Variants in SLC26A9 observed in about 807,000 individuals in gnomAD.
SLC26A9 encodes the protein solute carrier family 26 member 9.
SLC26A9 carries 46 observed loss-of-function variants against 87.1 expected under a neutral mutation model. The ratio of observed to expected loss-of-function variants is 0.53; its 90% CI spans 0.42 to 0.67. SLC26A9 has a LOEUF of 0.67. Among genes scored for constraint, SLC26A9 ranks in the 30% least tolerant of loss-of-function variants. SLC26A9 has a pLI of 0.00. For missense variants in SLC26A9, 927 were observed against 1,018.3 expected (o/e 0.91, Z 1.22); for synonymous variants, 437 against 409.1 (o/e 1.07, Z -0.82).
Position 205,913,167 on chromosome 1 carries a change from T to C in SLC26A9, c.*2190A>G, listed in dbSNP as rs1658441575. ...GGTTCCCAGTCCTCCCTGGGAATTA[T>C]ATTATCACAGGTCAGTATCACTAAG... On this transcript the variant is annotated 3_prime_UTR_variant, in exon 21 of 21. Transcript: ENST00000367135. 6.6e-6 allele frequency: 1 copy of C among 152,266 alleles called. No homozygotes were observed. Among genetic ancestry groups the C allele is most frequent in the South Asian group, 2.1e-4 (1 of 4,834 alleles). 9.4% of individuals were successfully genotyped at this position (152,266 alleles called of 1,614,324 possible).
chr1:205,926,176 G>C (rs1408381674), intron 12 of SLC26A9, among the ~76,000 whole-genome samples: 2 of 152,094 alleles, frequency 1.3e-5, no homozygotes, highest in Non-Finnish European at 2.9e-5. Flanking sequence ...AGTAGTCATA[G>C]CTAAGCTTTA....
chr1:205,924,063 T>C (rs1054659851), intron 13 of SLC26A9, among the ~76,000 whole-genome samples: 1 of 152,180 alleles, frequency 6.6e-6, no homozygotes, highest in Non-Finnish European at 1.5e-5. Flanking sequence ...GGTTTGGGGT[T>C]CTGGCAATGT....
chr1:205,923,574 G>A lies in SLC26A9; in HGVS notation c.1536C>T (p.Asp512=), dbSNP rs1421618498. The A allele has an allele frequency of 3.1e-6, 5 of 1,614,090 alleles. No homozygotes were observed. The highest frequency in any genetic ancestry group is 3.4e-6 in the Non-Finnish European group (4 of 1,180,046). ...TATAGGTCTTGGGATTCACATAAATGTCAGTGTCCATGACCTGGGCCAGTG... is the reference window on the plus strand; with the variant it reads ...TATAGGTCTTGGGATTCACATAAATATCAGTGTCCATGACCTGGGCCAGTG... ...GYALAQVMDT[D]IYVNPKTYNR... The change falls in exon 14 of 21, where the codon GAC becomes GAT. Residue 512 remains aspartate (D), a synonymous_variant. Transcript: ENST00000367135.
intron 19 of SLC26A9, among the ~76,000 whole-genome samples, chr1:205,918,186 C>A (rs188918019): frequency 6.6e-6 from 1 of 152,158 alleles, no homozygotes; most frequent in South Asian, 2.1e-4. Flanking sequence ...AGGCCAAGGG[C>A]AGGAGCTGAG....
rs764928984 is a variant in SLC26A9 at position 205,935,781 on chromosome 1, C to T, written c.40G>A (p.Ala14Thr). The change falls in exon 2 of 21, where the codon GCA becomes ACA. Residue 14 changes from alanine (A) to threonine (T), a missense_variant. Physicochemically the swap from Ala to Thr is moderately conservative, Grantham distance 58. Transcript: ENST00000367135. ...PRPRYVVDRA[A>T]YSLTLFDDEF... Reference sequence around the variant, plus strand: ...TCGTCGAAGAGGGTAAGGGAGTATGCGGCTCTGTCTACCACGTAGCGGGGC... The same window carrying T: ...TCGTCGAAGAGGGTAAGGGAGTATGTGGCTCTGTCTACCACGTAGCGGGGC... The T allele has an allele frequency of 1.2e-5, 19 of 1,613,772 alleles. No individual in the cohort carries two copies. Among genetic ancestry groups the T allele is most frequent in the South Asian group, 5.5e-5 (5 of 91,058 alleles).
intron 17 of SLC26A9, among the ~76,000 whole-genome samples, chr1:205,920,649 G>A (rs1169293802): frequency 1.3e-5 from 2 of 152,122 alleles, no homozygotes; most frequent in South Asian, 2.1e-4. Flanking sequence ...ACAGGGGCCC[G>A]TCACCACACC....
chr1:205,929,227 G>A lies in SLC26A9; in HGVS notation c.847C>T (p.Pro283Ser), dbSNP rs535714348. Reference protein sequence around the residue: ...NARYMHKIRFPIPTEMIVVVV... With the variant: ...NARYMHKIRFSIPTEMIVVVV... ...ACCACAATCATCTCTGTAGGGATGGGGAAGCGAATCTTGTGCATGTAGCGA... is the reference window on the plus strand; with the variant it reads ...ACCACAATCATCTCTGTAGGGATGGAGAAGCGAATCTTGTGCATGTAGCGA... Residue 283 changes from proline (P) to serine (S), a missense_variant, in exon 7 of 21, where the codon CCC (proline) becomes TCC (serine). Coordinates refer to ENST00000367135, the MANE Select transcript of SLC26A9 (RefSeq NM_052934.4). The A allele has an allele frequency of 1.2e-6, 2 of 1,614,178 alleles. No individual in the cohort carries two copies. Among genetic ancestry groups the A allele is most frequent in the Admixed American group, 3.3e-5 (2 of 60,016 alleles).
chr1:205,932,400 T>C (rs959909828), intron 4 of SLC26A9, among the ~76,000 whole-genome samples: 6 of 152,238 alleles, frequency 3.9e-5, no homozygotes, highest in African/African-American at 1.4e-4. Flanking sequence ...GGGAGTTAGA[T>C]GGTGATTTCT....
chr1:205,925,166 A>G, intron 12 of SLC26A9, among the ~76,000 whole-genome samples: 1 of 152,210 alleles, frequency 6.6e-6, no homozygotes, highest in South Asian at 2.1e-4. Context: ...AGGATTCAAA[A>G]GTTAAGGAAT....
At chr1:205,931,465 G>GTTTTTTTTTTT (rs34820138) in intron 5 of SLC26A9, among the ~76,000 whole-genome samples, 1,025 of 95,768 alleles carry the variant, frequency 0.011, 119 homozygotes, top group East Asian at 0.042. Context: ...CCCTAACTTG[G>GTTTTTTTTTTT]TTTTTTTTTT....
At position 205,914,857 on chromosome 1, in the gene SLC26A9, G is replaced by A. The variant is rs867753037; in HGVS notation, c.*500C>T. The A allele has an allele frequency of 1.9e-6, 3 of 1,577,218 alleles. No individual in the cohort carries two copies. The highest frequency in any genetic ancestry group is 1.7e-4 in the Middle Eastern group (1 of 5,884). ...GCCAGAGACAGAGTTGAGGCAGCTG[G>A]GGAAGGCAAGCCAGAGTCCTAACCA... On this transcript the variant is annotated 3_prime_UTR_variant, in exon 21 of 21. Coordinates refer to ENST00000367135, the MANE Select transcript of SLC26A9 (RefSeq NM_052934.4).
intron 20 of SLC26A9, 143 bp from the exon 21 acceptor site, chr1:205,915,547 TGC>T (rs1553268037): frequency 1.3e-4 from 121 of 923,204 alleles, no homozygotes; most frequent in African/African-American, 1.3e-3. Context: ...TGTGTGTGTG[TGC>T]GAGAGTGTGT....
At chr1:205,917,540 T>C (rs1658644989) in intron 19 of SLC26A9, among the ~76,000 whole-genome samples, 186 bp from the exon 20 acceptor site, 1 of 152,174 alleles carries the variant, frequency 6.6e-6, no homozygotes, top group Admixed American at 6.5e-5. Context: ...TTCCCCCTTA[T>C]ACCAGACAGG....
At position 205,918,953 on chromosome 1, in the gene SLC26A9, C is replaced by T. The variant is rs778860166; in HGVS notation, c.2143G>A (p.Val715Ile). ...CATTCTAGACTCCCATCCTCAAAGA[C>T]GCCTCCATGGCTAATGTCATTGTAC... is the stretch of plus-strand genomic sequence containing the variant. ...QVYNDISHGG[V>I]FEDGSLECKH... Residue 715 changes from valine to isoleucine, a missense_variant, in exon 19 of 21, where the codon GTC becomes ATC. Physicochemically the swap from Val to Ile is conservative, Grantham distance 29 (BLOSUM62 3). Coordinates refer to ENST00000367135, the MANE Select transcript of SLC26A9 (RefSeq NM_052934.4). The T allele has an allele frequency of 4.8e-5, 77 of 1,614,056 alleles. 1 individual carries two copies. In the East Asian group the frequency reaches 9.6e-4, roughly 20 times the overall value.
rs1658912612 is a variant in SLC26A9 at position 205,923,160 on chromosome 1, C to T, written c.1695G>A (p.Lys565=). The part of the protein sequence containing the change: ...GMDPQKVLLA[K]QKYLKKQEKR... Reference sequence around the variant, plus strand: ...TCTCCTGCTTCTTGAGGTATTTTTGCTTGGCTAGTAATACTTTCTGGGGGT... The same window carrying T: ...TCTCCTGCTTCTTGAGGTATTTTTGTTTGGCTAGTAATACTTTCTGGGGGT... The change falls in exon 16 of 21, where the codon AAG becomes AAA. Residue 565 remains lysine (K), a synonymous_variant. Coordinates refer to ENST00000367135, the MANE Select transcript of SLC26A9 (RefSeq NM_052934.4). 1 of 1,614,160 alleles carries T rather than the reference C, an allele frequency of 6.2e-7. No individual in the cohort carries two copies. Among genetic ancestry groups the T allele is most frequent in the Non-Finnish European group, 8.5e-7 (1 of 1,180,030 alleles).
chr1:205,942,825 C>T lies in SLC26A9; in HGVS notation c.-19+540G>A, dbSNP rs547486321. 4.6e-5 allele frequency among the ~76,000 whole-genome samples: 7 copies of T among 152,326 alleles called. No homozygotes were observed. The East Asian group carries it at 1.4e-3, about 29-fold the overall frequency. ...CTCCACCTCTTCCAACTTCTCAGGA[C>T]TAATGGGGACACATGGGATTCTGTG... On this transcript the variant is annotated intron_variant, in intron 1 of 20. Transcript: ENST00000367135.
Position 205,932,704 on chromosome 1 carries a change from G to A in SLC26A9, c.374C>T (p.Pro125Leu), listed in dbSNP as rs1167773719. Reference sequence around the variant, plus strand: ...TGCCCAGAGGGGAGAGGCCTTACCTGGCACCATCTGGTGAACACCCCCCAG... The same window carrying A: ...TGCCCAGAGGGGAGAGGCCTTACCTAGCACCATCTGGTGAACACCCCCCAG... ...FFLGGVHQMV[P>L]GTFAVISILV... The change falls in exon 4 of 21, where the codon CCA becomes CTA. Residue 125 changes from proline (P) to leucine (L), a missense_variant and splice_region_variant. Coordinates refer to ENST00000367135, the MANE Select transcript of SLC26A9 (RefSeq NM_052934.4). The A allele has an allele frequency of 6.4e-7, 1 of 1,565,016 alleles. No homozygotes were observed. Among genetic ancestry groups the A allele is most frequent in the Non-Finnish European group, 8.6e-7 (1 of 1,157,668 alleles).
Position 205,923,103 on chromosome 1 carries a change from C to G in SLC26A9, c.1752G>C (p.Arg584Ser). 1 of 1,614,042 alleles carries G rather than the reference C, an allele frequency of 6.2e-7. No individual in the cohort carries two copies. The highest frequency in any genetic ancestry group is 8.5e-7 in the Non-Finnish European group (1 of 1,180,000). Reference sequence around the variant, plus strand: ...TCACCTTGGTTTTCATGAATAGAGACCTCCTCTGTTGTGTGGGCCTCATTC... The same window carrying G: ...TCACCTTGGTTTTCATGAATAGAGAGCTCCTCTGTTGTGTGGGCCTCATTC... ...KRRMRPTQQR[R>S]SLFMKTKTVS... Residue 584 changes from arginine (R) to serine (S), a missense_variant, in exon 16 of 21, where the codon AGG (arginine) becomes AGC (serine). Physicochemically the swap from Arg to Ser is moderately radical, Grantham distance 110. Coordinates refer to ENST00000367135, the MANE Select transcript of SLC26A9 (RefSeq NM_052934.4).
chr1:205,928,870 G>T lies in SLC26A9; in HGVS notation c.910C>A (p.Pro304Thr), dbSNP rs368563553. ...ATAISGGCKM[P>T]KKYHMQIVGE... ...ACGATCTGCATGTGATACTTTTTGG[G>T]CATCTTACAGCCCCCGGAGATAGCT... The change falls in exon 8 of 21, where the codon CCC becomes ACC. Residue 304 changes from proline (P) to threonine (T), a missense_variant. Physicochemically the swap from Pro to Thr is conservative, Grantham distance 38. Coordinates refer to ENST00000367135, the MANE Select transcript of SLC26A9 (RefSeq NM_052934.4). The T allele has an allele frequency of 6.8e-5, 109 of 1,613,968 alleles. No homozygotes were observed. Among genetic ancestry groups the T allele is most frequent in the Non-Finnish European group, 8.9e-5 (105 of 1,180,026 alleles).
Sources: gnomAD v4.1 joint callset for allele counts (sites outside exome capture counted in the v4.1 genomes callset) on GRCh38, gnomAD v4.1.1 for gene constraint, MANE v1.5 for transcripts, NCBI Gene and HGNC (gene_info 2026-07-23, HGNC 2026-07-21) for gene names.